MAST4: variants seen among roughly 807,000 people sequenced by gnomAD.
MAST4 encodes microtubule associated serine/threonine kinase family member 4.
A neutral mutation model predicts 162.7 loss-of-function variants in MAST4; 89 were observed. The observed-to-expected ratio is 0.55, with a 90% confidence interval of 0.46 to 0.65. MAST4 has a LOEUF of 0.65. Among genes scored for constraint, MAST4 ranks in the 30% least tolerant of loss-of-function variants. The pLI is 0.00. For missense variants in MAST4, 3,153 were observed against 3,374.0 expected (o/e 0.93, Z 1.62); for synonymous variants, 1,479 against 1,361.1 (o/e 1.09, Z -1.91).
At chr5:66,606,599 C>T (rs1481007524) in intron 1 of MAST4, among the ~76,000 whole-genome samples, 6 of 152,124 alleles carry the variant, frequency 3.9e-5, no homozygotes, top group Non-Finnish European at 8.8e-5. Context: ...CCAGGTTTTG[C>T]ATATATGTTG....
intron 3 of MAST4, among the ~76,000 whole-genome samples, chr5:66,854,225 A>G (rs866451101): frequency 3.9e-5 from 6 of 152,178 alleles, no homozygotes; most frequent in Non-Finnish European, 8.8e-5. Context: ...TTGAATGAGT[A>G]TGTGAAAGAA....
chr5:66,660,043 A>G (rs559298062), intron 1 of MAST4, among the ~76,000 whole-genome samples: 10 of 151,888 alleles, frequency 6.6e-5, no homozygotes, highest in Non-Finnish European at 1.5e-4. Flanking sequence ...TGGGTGTCTT[A>G]GGATGAGTAG....
rs568832671 is a variant in MAST4 at position 67,157,824 on chromosome 5, G to A, written c.3649-2632G>A. On this transcript the variant is annotated intron_variant, in intron 26 of 28. Coordinates refer to ENST00000403625, the MANE Select transcript of MAST4 (RefSeq NM_001164664.2). ...AAAGGAAGGATAACAAACTCTTCTA[G>A]GCCATGAGGGTGAAACAAACAACGC... Among the ~76,000 whole-genome samples the A allele has an allele frequency of 3.3e-5, 5 of 152,280 alleles. No individual in the cohort carries two copies. The East Asian group carries it at 9.7e-4, about 29-fold the overall frequency.
chr5:66,982,086 A>G (rs1345859185), intron 4 of MAST4, among the ~76,000 whole-genome samples: 1 of 152,206 alleles, frequency 6.6e-6, no homozygotes, highest in African/African-American at 2.4e-5. Context: ...GGAAATCAGG[A>G]TTTACAGAGA....
At chr5:67,081,451 CAAGG>C in intron 5 of MAST4, among the ~76,000 whole-genome samples, 1 of 150,978 alleles carries the variant, frequency 6.6e-6, no homozygotes, top group Non-Finnish European at 1.5e-5. Context: ...ATGATTGAGA[CAAGG>C]AAGAAGAGAT....
chr5:66,823,897 C>G (rs1332671604), intron 3 of MAST4, among the ~76,000 whole-genome samples: 1 of 152,166 alleles, frequency 6.6e-6, no homozygotes, highest in Non-Finnish European at 1.5e-5. Context: ...CTGTGTTGCT[C>G]TTTGGCATTC....
At chr5:66,815,549 G>C (rs1164513005) in intron 3 of MAST4, among the ~76,000 whole-genome samples, 1 of 152,168 alleles carries the variant, frequency 6.6e-6, no homozygotes, top group African/African-American at 2.4e-5. Flanking sequence ...CAGGCATCCT[G>C]GAACTTATCC....
At chr5:66,947,794 A>T (rs1394318745) in intron 4 of MAST4, among the ~76,000 whole-genome samples, 1 of 152,170 alleles carries the variant, frequency 6.6e-6, no homozygotes, top group African/African-American at 2.4e-5. Flanking sequence ...ATTTGAGATC[A>T]TGGGTATATT....
chr5:66,609,289 C>T (rs779409050), intron 1 of MAST4, among the ~76,000 whole-genome samples: 1 of 151,986 alleles, frequency 6.6e-6, no homozygotes, highest in Non-Finnish European at 1.5e-5. Context: ...CAGGGCTTTC[C>T]TGTATGTTCT....
chr5:66,819,725 G>T (rs1273455882), intron 3 of MAST4, among the ~76,000 whole-genome samples: 1 of 149,618 alleles, frequency 6.7e-6, no homozygotes, highest in Non-Finnish European at 1.5e-5. Context: ...GGGAAGTTTG[G>T]CTAGGCAACA....
intron 5 of MAST4, among the ~76,000 whole-genome samples, chr5:67,059,195 C>T (rs1759242875): frequency 2.0e-5 from 3 of 152,176 alleles, no homozygotes; most frequent in Admixed American, 2.0e-4. Flanking sequence ...GGCTGGCTGC[C>T]CTCTGCGATC....
At chr5:67,121,144 C>T in intron 14 of MAST4, 42 bp downstream of exon 14, 1 of 1,403,128 alleles carries the variant, frequency 7.1e-7, no homozygotes, top group Non-Finnish European at 9.9e-7. Context: ...TTTCTACACA[C>T]TCAAGTGATA....
intron 5 of MAST4, among the ~76,000 whole-genome samples, chr5:67,078,923 T>TAAATATATTTATATATTTTTATATAA (rs1554093904): frequency 3.7e-5 from 3 of 81,744 alleles, no homozygotes; most frequent in African/African-American, 1.9e-4. Flanking sequence ...TATATATATA[T>TAAATATATTTATATATTTTTATATAA]ATATATATAT....
chr5:66,812,001 C>T (rs1343004474), intron 3 of MAST4, among the ~76,000 whole-genome samples: 3 of 152,138 alleles, frequency 2.0e-5, no homozygotes, highest in African/African-American at 7.2e-5. Context: ...ACAAATGAAG[C>T]AGTTGATGGC....
chr5:66,800,800 A>G (rs1393832336), intron 3 of MAST4, among the ~76,000 whole-genome samples: 2 of 152,218 alleles, frequency 1.3e-5, no homozygotes, highest in Non-Finnish European at 2.9e-5. Context: ...TACACAAAAG[A>G]TAAGGATCCT....
intron 16 of MAST4, among the ~76,000 whole-genome samples, chr5:67,133,171 C>T: frequency 6.8e-6 from 1 of 147,722 alleles, no homozygotes; most frequent in Middle Eastern, 3.5e-3. Context: ...GGTGTATGCC[C>T]TTTTTTTTTT....
chr5:67,114,495 G>T (rs753697107), intron 12 of MAST4: 1 of 327,262 alleles, frequency 3.1e-6, no homozygotes, highest in East Asian at 6.9e-5. Flanking sequence ...TCCCAGAAGG[G>T]TTGCAATTTC....
At chr5:67,104,685 G>GC (rs1363610902) in intron 10 of MAST4, 110 bp downstream of exon 10, 1 of 508,674 alleles carries the variant, frequency 2.0e-6, no homozygotes, top group East Asian at 3.7e-5. Context: ...TTCCAGAGAA[G>GC]CAAAAAAGAA....
At chr5:67,136,014 A>C (rs1324349686) in intron 18 of MAST4, among the ~76,000 whole-genome samples, 1 of 151,530 alleles carries the variant, frequency 6.6e-6, no homozygotes, top group Non-Finnish European at 1.5e-5. Flanking sequence ...CAGTCTTAGC[A>C]CTTTGACCTG....
Sources: gnomAD v4.1 joint callset for allele counts (sites outside exome capture counted in the v4.1 genomes callset) on GRCh38, gnomAD v4.1.1 for gene constraint, MANE v1.5 for transcripts, NCBI Gene and HGNC (gene_info 2026-07-23, HGNC 2026-07-21) for gene names.